The following ZNF385D variants were observed in gnomAD, a reference collection of about 807,000 sequenced individuals.
The protein encoded by ZNF385D is zinc finger protein 659.
ZNF385D carries 15 observed loss-of-function variants against 35.8 expected under a neutral mutation model. The ratio of observed to expected loss-of-function variants is 0.42; its 90% CI spans 0.28 to 0.64. The LOEUF is 0.64. ZNF385D is among the 30% of genes least tolerant of loss of function. The pLI is 0.23. For missense variants in ZNF385D, 474 were observed against 494.6 expected (o/e 0.96, Z 0.39); for synonymous variants, 212 against 186.8 (o/e 1.13, Z -1.10).
In ZNF385D at chr3:21,729,253, C is replaced by T. The variant is rs192697721; in HGVS notation, c.22+21642G>A. On this transcript the variant is annotated intron_variant, in intron 1 of 7. Transcript: ENST00000281523. Reference sequence around the variant, plus strand: ...TTGAGGCATAAAGACATATAAGCAACGAAAATTTTAAAAACAATAAAACCC... The same window carrying T: ...TTGAGGCATAAAGACATATAAGCAATGAAAATTTTAAAAACAATAAAACCC... 2.2e-4 allele frequency among the ~76,000 whole-genome samples: 33 copies of T among 152,134 alleles called. No individual in the cohort carries two copies. The East Asian group carries it at 4.6e-3, about 21-fold the overall frequency.
intron 3 of ZNF385D, among the ~76,000 whole-genome samples, chr3:22,126,172 T>C (rs942351250): frequency 2.0e-5 from 3 of 152,072 alleles, no homozygotes; most frequent in Non-Finnish European, 4.4e-5. Context: ...GAAATGATTA[T>C]ATGATTTTTG....
intron 3 of ZNF385D, among the ~76,000 whole-genome samples, chr3:21,555,459 C>T (rs75864293): frequency 6.6e-6 from 1 of 152,026 alleles, no homozygotes; most frequent in Non-Finnish European, 1.5e-5. Context: ...TGAGAACATG[C>T]AGTGTGTGGT....
intron 3 of ZNF385D, among the ~76,000 whole-genome samples, chr3:21,936,950 A>T (rs1445306501): frequency 3.9e-5 from 6 of 152,170 alleles, no homozygotes; most frequent in Non-Finnish European, 8.8e-5. Context: ...CTTTGTTAAC[A>T]TCTCAACTGT....
At chr3:21,708,607 G>A (rs1354229916) in intron 1 of ZNF385D, among the ~76,000 whole-genome samples, 1 of 152,014 alleles carries the variant, frequency 6.6e-6, no homozygotes, top group Admixed American at 6.5e-5. Context: ...TTTAAAAGAT[G>A]CTTTCACTCC....
intron 1 of ZNF385D, among the ~76,000 whole-genome samples, chr3:21,688,583 C>T (rs1269119254): frequency 6.6e-6 from 1 of 152,118 alleles, no homozygotes; most frequent in Non-Finnish European, 1.5e-5. Flanking sequence ...AATCTCAGCT[C>T]CTTTAGGTGG....
chr3:21,543,550 T>C (rs2062259590), intron 3 of ZNF385D, among the ~76,000 whole-genome samples: 1 of 152,172 alleles, frequency 6.6e-6, no homozygotes, highest in Non-Finnish European at 1.5e-5. Flanking sequence ...CACAAGCGTC[T>C]GCAGCCTTCC....
intron 3 of ZNF385D, among the ~76,000 whole-genome samples, chr3:21,969,692 G>A (rs951665885): frequency 6.6e-5 from 10 of 152,026 alleles, no homozygotes; most frequent in African/African-American, 2.4e-4. Flanking sequence ...TAGGGTCCTT[G>A]GGCTTTAAGT....
At chr3:22,296,462 G>C (rs1702583497) in intron 2 of ZNF385D, among the ~76,000 whole-genome samples, 1 of 152,132 alleles carries the variant, frequency 6.6e-6, no homozygotes, top group African/African-American at 2.4e-5. Context: ...TCAAGGAAGG[G>C]TATGTCTAAT....
At chr3:22,013,681 C>A (rs61553318) in intron 3 of ZNF385D, among the ~76,000 whole-genome samples, 9,867 of 152,078 alleles carry the variant, frequency 0.065, 494 homozygotes, top group East Asian at 0.16. Flanking sequence ...TAAAAATTTA[C>A]GTACAGCCTG....
At chr3:21,581,613 C>G (rs1055087378) in intron 2 of ZNF385D, among the ~76,000 whole-genome samples, 1 of 152,160 alleles carries the variant, frequency 6.6e-6, no homozygotes, top group Non-Finnish European at 1.5e-5. Flanking sequence ...GGAGAAAAAG[C>G]TGGTCCAAGA....
intron 4 of ZNF385D, among the ~76,000 whole-genome samples, chr3:21,438,628 TA>T (rs1271554965): frequency 1.3e-5 from 2 of 151,906 alleles, no homozygotes; most frequent in East Asian, 1.9e-4. Flanking sequence ...GGCTGTTGTA[TA>T]AAAAAAACTC....
At chr3:22,138,025 AACAG>A (rs1308725273) in intron 3 of ZNF385D, among the ~76,000 whole-genome samples, 2 of 152,088 alleles carry the variant, frequency 1.3e-5, no homozygotes, top group African/African-American at 4.8e-5. Context: ...ATACACCAAT[AACAG>A]ACAGAGAGCC....
At chr3:21,924,875 C>A (rs537623988) in intron 3 of ZNF385D, among the ~76,000 whole-genome samples, 2 of 152,182 alleles carry the variant, frequency 1.3e-5, no homozygotes, top group Admixed American at 1.3e-4. Flanking sequence ...GGACTTCTAC[C>A]CTACCTGGCA....
At chr3:22,123,954 C>CTA (rs1423473279) in intron 3 of ZNF385D, among the ~76,000 whole-genome samples, 70 of 93,716 alleles carry the variant, frequency 7.5e-4, no homozygotes, top group Non-Finnish European at 1.4e-3. Context: ...CTCTCTCTCT[C>CTA]TCTCTCTCTA....
At chr3:21,525,838 T>C (rs534289566) in intron 3 of ZNF385D, among the ~76,000 whole-genome samples, 1 of 152,202 alleles carries the variant, frequency 6.6e-6, no homozygotes, top group South Asian at 2.1e-4. Flanking sequence ...AACACCTACA[T>C]TTTATGACAA....
intron 3 of ZNF385D, among the ~76,000 whole-genome samples, chr3:22,005,056 C>CAAAAAAA (rs71044965): frequency 2.6e-4 from 15 of 57,370 alleles, no homozygotes; most frequent in Non-Finnish European, 4.2e-4. Context: ...CACTCAGCAG[C>CAAAAAAA]AAAAAAAAAA....
At chr3:21,775,119 T>C (rs1460490409) in intron 3 of ZNF385D, among the ~76,000 whole-genome samples, 3 of 151,716 alleles carry the variant, frequency 2.0e-5, no homozygotes, top group Non-Finnish European at 2.9e-5. Flanking sequence ...ACATAAGGAG[T>C]GACTCAAGAA....
intron 2 of ZNF385D, among the ~76,000 whole-genome samples, chr3:22,205,749 T>C (rs1010476365): frequency 6.6e-6 from 1 of 151,462 alleles, no homozygotes; most frequent in Non-Finnish European, 1.5e-5. Flanking sequence ...TAAAATATTA[T>C]AACAGATACA....
chr3:21,946,477 CAT>C (rs1455814614), intron 3 of ZNF385D, among the ~76,000 whole-genome samples: 1 of 152,050 alleles, frequency 6.6e-6, no homozygotes, highest in African/African-American at 2.4e-5. Context: ...TTCTCTAATA[CAT>C]ATTTTTAAGT....
Sources: gnomAD v4.1 joint callset for allele counts (sites outside exome capture counted in the v4.1 genomes callset) on GRCh38, gnomAD v4.1.1 for gene constraint, MANE v1.5 for transcripts, NCBI Gene and HGNC (gene_info 2026-07-23, HGNC 2026-07-21) for gene names.